Variants in SLC2A13 observed in about 807,000 individuals in gnomAD.
SLC2A13 encodes the protein solute carrier family 2 member 13.
Under a neutral mutation model 64.4 loss-of-function variants are expected in SLC2A13, and 32 were observed. The observed-to-expected ratio is 0.50, with a 90% CI of 0.37 to 0.67. The LOEUF (loss-of-function observed/expected upper bound fraction) is 0.67, where lower values mean the gene tolerates loss of function less well. SLC2A13 is among the 30% of genes least tolerant of loss of function. SLC2A13 has a pLI of 0.00. For missense variants in SLC2A13, 743 were observed against 829.2 expected, an observed-to-expected ratio of 0.90 and a Z score of 1.28; for synonymous variants, 338 against 327.1, an observed-to-expected ratio of 1.03 and a Z score of -0.36.
At chr12:39,797,742 A>ATATGCG (rs1555237478) in intron 7 of SLC2A13, among the ~76,000 whole-genome samples, 4 of 122,800 alleles carry the variant, frequency 3.3e-5, no homozygotes, top group African/African-American at 1.2e-4. Context: ...ACACACACAC[A>ATATGCG]CACACACACA....
intron 4 of SLC2A13, among the ~76,000 whole-genome samples, chr12:39,876,505 A>G (rs901549837): frequency 7.9e-5 from 12 of 152,316 alleles, no homozygotes; most frequent in Middle Eastern, 6.8e-3. Context: ...TATCTACCGT[A>G]AATTTTTGAG....
chr12:40,093,030 A>G (rs1438737301), intron 1 of SLC2A13, among the ~76,000 whole-genome samples: 1 of 151,888 alleles, frequency 6.6e-6, no homozygotes, highest in African/African-American at 2.4e-5. Flanking sequence ...CCACTGTCAC[A>G]TCTAAGTGTA....
intron 1 of SLC2A13, among the ~76,000 whole-genome samples, chr12:40,074,834 T>C (rs949525106): frequency 2.0e-5 from 3 of 152,198 alleles, no homozygotes; most frequent in African/African-American, 4.8e-5. Context: ...TACAGTGTTA[T>C]GATTAGGTCT....
intron 1 of SLC2A13, among the ~76,000 whole-genome samples, chr12:40,100,994 T>C (rs1177942743): frequency 7.5e-6 from 1 of 132,830 alleles, no homozygotes; most frequent in African/African-American, 2.9e-5. Context: ...AAAAAAAGAT[T>C]AACCCTGTTA....
chr12:39,797,736 A>ACACACATACG (rs1422948523), intron 7 of SLC2A13, among the ~76,000 whole-genome samples: 1,350 of 24,500 alleles, frequency 0.055, 20 homozygotes, highest in African/African-American at 0.078. Flanking sequence ...AAACACACAC[A>ACACACATACG]CACACACACA....
At chr12:40,069,777 G>A (rs906341855) in intron 1 of SLC2A13, among the ~76,000 whole-genome samples, 6 of 151,972 alleles carry the variant, frequency 3.9e-5, no homozygotes, top group Admixed American at 3.9e-4. Flanking sequence ...TTTTTTATCA[G>A]ACAAGGCATC....
chr12:39,782,464 A>G (rs1941026165), intron 7 of SLC2A13, among the ~76,000 whole-genome samples: 1 of 152,080 alleles, frequency 6.6e-6, no homozygotes, highest in African/African-American at 2.4e-5. Flanking sequence ...ACCACGTAAG[A>G]TGTGCCCTTT....
chr12:39,861,693 C>G (rs1404230621), intron 6 of SLC2A13, among the ~76,000 whole-genome samples: 1 of 152,116 alleles, frequency 6.6e-6, no homozygotes, highest in Non-Finnish European at 1.5e-5. Context: ...TGTGTGTGAA[C>G]TCTCATAAAG....
chr12:39,794,124 A>AC (rs1941495927), intron 7 of SLC2A13, among the ~76,000 whole-genome samples: 1 of 1,594 alleles, frequency 6.3e-4, no homozygotes, highest in Non-Finnish European at 2.1e-3. Context: ...GCCAAATTGC[A>AC]AAAAAAAAAA....
chr12:39,802,954 C>A (rs775724481), intron 7 of SLC2A13, among the ~76,000 whole-genome samples: 1 of 152,136 alleles, frequency 6.6e-6, no homozygotes, highest in Non-Finnish European at 1.5e-5. Context: ...AGTGTGGGAT[C>A]ATCCAAGATA....
intron 6 of SLC2A13, among the ~76,000 whole-genome samples, chr12:39,854,763 C>A (rs964339919): frequency 3.9e-5 from 6 of 152,174 alleles, no homozygotes; most frequent in Non-Finnish European, 5.9e-5. Context: ...CTGCATCATC[C>A]TGTGCCTGGT....
intron 4 of SLC2A13, among the ~76,000 whole-genome samples, chr12:39,947,942 G>A (rs1051935333): frequency 6.6e-6 from 1 of 152,118 alleles, no homozygotes; most frequent in Non-Finnish European, 1.5e-5. Context: ...TTACAGGCAT[G>A]AGCCACCGCG....
chr12:39,828,012 A>G, intron 7 of SLC2A13, among the ~76,000 whole-genome samples: 1 of 152,154 alleles, frequency 6.6e-6, no homozygotes, highest in East Asian at 1.9e-4. Flanking sequence ...CTTTGCCCTT[A>G]GAGTTCCATT....
At chr12:39,841,976 A>G in intron 6 of SLC2A13, among the ~76,000 whole-genome samples, 1 of 152,096 alleles carries the variant, frequency 6.6e-6, no homozygotes, top group East Asian at 1.9e-4. Context: ...CTAAATAATT[A>G]CATGTTCTCA....
chr12:40,061,543 C>G (rs998640405), intron 1 of SLC2A13, among the ~76,000 whole-genome samples: 1 of 152,058 alleles, frequency 6.6e-6, no homozygotes, highest in Non-Finnish European at 1.5e-5. Flanking sequence ...ATGTACACAG[C>G]ATTTACATTC....
rs145711864 is a variant in SLC2A13, at chr12:39,992,220, G to A, written c.925+36081C>T. On this transcript the variant is annotated intron_variant, in intron 3 of 9. Coordinates refer to ENST00000280871, the MANE Select transcript of SLC2A13 (RefSeq NM_052885.4). ...CCAAAGCAGGAGAGGACAAAGGGGCGATTAAGCAGCCTATATTCTAAAGAG... is the reference window on the plus strand; with the variant it reads ...CCAAAGCAGGAGAGGACAAAGGGGCAATTAAGCAGCCTATATTCTAAAGAG... Among the ~76,000 whole-genome samples, 10 of 152,186 alleles carry A rather than the reference G, an allele frequency of 6.6e-5. 1 individual carries two copies. The highest frequency in any genetic ancestry group is 2.2e-4 in the African/African-American group (9 of 41,524).
At chr12:40,022,918 G>C (rs1020641253) in intron 3 of SLC2A13, among the ~76,000 whole-genome samples, 1 of 151,858 alleles carries the variant, frequency 6.6e-6, no homozygotes, top group Non-Finnish European at 1.5e-5. Context: ...TTTCTTTTAG[G>C]GGAAAAAAAG....
chr12:39,805,264 T>G (rs1272754203), intron 7 of SLC2A13, among the ~76,000 whole-genome samples: 1 of 152,128 alleles, frequency 6.6e-6, no homozygotes, highest in Non-Finnish European at 1.5e-5. Flanking sequence ...AGTGGTGTGA[T>G]CTGGCCTCAT....
intron 3 of SLC2A13, among the ~76,000 whole-genome samples, chr12:40,017,886 C>A (rs778115955): frequency 1.3e-5 from 2 of 150,840 alleles, no homozygotes; most frequent in African/African-American, 2.4e-5. Flanking sequence ...CACACTTACA[C>A]GTGGACACAA....
Sources: gnomAD v4.1 joint callset for allele counts (sites outside exome capture counted in the v4.1 genomes callset) on GRCh38, gnomAD v4.1.1 for gene constraint, MANE v1.5 for transcripts, NCBI Gene and HGNC (gene_info 2026-07-23, HGNC 2026-07-21) for gene names.